Variants in CCSER1 observed in about 807,000 individuals in gnomAD.
The protein encoded by CCSER1 is serine-rich coiled-coil domain-containing protein 1.
CCSER1 carries 41 observed loss-of-function variants against 82.0 expected under a neutral mutation model. That is an observed-to-expected ratio of 0.50 (90% CI 0.39 to 0.65). CCSER1 has a LOEUF of 0.65. Ranked by LOEUF, CCSER1 falls within the 30% of genes least tolerant of loss-of-function variation. The pLI is 0.00. For synonymous variants in CCSER1, 414 were observed against 383.9 expected, an observed-to-expected ratio of 1.08 and a Z score of -0.92; for missense variants, 1,119 against 1,064.2, an observed-to-expected ratio of 1.05 and a Z score of -0.72.
intron 9 of CCSER1, among the ~76,000 whole-genome samples, chr4:91,066,154 T>G (rs1040505888): frequency 6.6e-6 from 1 of 152,196 alleles, no homozygotes. Flanking sequence ...GATTGCTTTT[T>G]CCAGGACATT....
At chr4:90,614,156 C>T (rs957428353) in intron 5 of CCSER1, among the ~76,000 whole-genome samples, 2 of 152,120 alleles carry the variant, frequency 1.3e-5, no homozygotes, top group African/African-American at 4.8e-5. Context: ...GATCTATGAT[C>T]AGCAATCTTT....
chr4:90,513,017 C>T (rs550486276), intron 5 of CCSER1, among the ~76,000 whole-genome samples: 31 of 152,006 alleles, frequency 2.0e-4, no homozygotes, highest in Non-Finnish European at 3.4e-4. Flanking sequence ...CAAGCAAAGC[C>T]GCTTGTGGGT....
At chr4:90,454,682 C>A (rs573835517) in intron 4 of CCSER1, among the ~76,000 whole-genome samples, 5 of 152,184 alleles carry the variant, frequency 3.3e-5, no homozygotes, top group African/African-American at 1.2e-4. Context: ...GCTTATCCCC[C>A]AAATTATCTG....
At chr4:91,177,406 C>T (rs1363409084) in intron 10 of CCSER1, among the ~76,000 whole-genome samples, 1 of 152,180 alleles carries the variant, frequency 6.6e-6, no homozygotes, top group Non-Finnish European at 1.5e-5. Flanking sequence ...ACAAGCTCCT[C>T]TTTGTACGTC....
chr4:91,086,469 A>G (rs13111799), intron 10 of CCSER1, among the ~76,000 whole-genome samples: 50,189 of 151,876 alleles, frequency 0.33, 8,774 homozygotes, highest in South Asian at 0.43. Flanking sequence ...AAAGCTAGTA[A>G]TTTTAAAACT....
At chr4:91,495,268 T>C (rs1758739531) in intron 10 of CCSER1, among the ~76,000 whole-genome samples, 1 of 151,558 alleles carries the variant, frequency 6.6e-6, no homozygotes, top group Non-Finnish European at 1.5e-5. Context: ...TAATGCAAAC[T>C]ATACATGTTT....
chr4:91,419,146 A>C (rs1330063904), intron 10 of CCSER1, among the ~76,000 whole-genome samples: 1 of 152,050 alleles, frequency 6.6e-6, no homozygotes, highest in Non-Finnish European at 1.5e-5. Flanking sequence ...TGAAAAGCTG[A>C]AGCTTTTCCT....
intron 10 of CCSER1, among the ~76,000 whole-genome samples, chr4:91,366,461 AAT>A (rs925079422): frequency 4.6e-5 from 7 of 152,252 alleles, no homozygotes; most frequent in Non-Finnish European, 1.0e-4. Context: ...ATCACACAAA[AAT>A]AGTCATAATT....
chr4:90,914,394 G>T (rs1401786020), intron 8 of CCSER1, among the ~76,000 whole-genome samples: 1 of 152,056 alleles, frequency 6.6e-6, no homozygotes, highest in Non-Finnish European at 1.5e-5. Flanking sequence ...CTGAATGACT[G>T]CTCGGTACAT....
At chr4:90,875,463 A>G (rs1767077980) in intron 8 of CCSER1, among the ~76,000 whole-genome samples, 1 of 152,200 alleles carries the variant, frequency 6.6e-6, no homozygotes, top group South Asian at 2.1e-4. Context: ...CTATTTTTAG[A>G]GAATGATGTT....
chr4:90,884,463 G>A (rs1002582133), intron 8 of CCSER1, among the ~76,000 whole-genome samples: 2 of 152,012 alleles, frequency 1.3e-5, no homozygotes, highest in Non-Finnish European at 2.9e-5. Flanking sequence ...TACATATGAA[G>A]TAAAATTATT....
chr4:90,200,569 A>T lies in CCSER1; in HGVS notation c.-42+72738A>T, dbSNP rs371856320. On this transcript the variant is annotated intron_variant, in intron 1 of 10. Coordinates refer to ENST00000509176, the MANE Select transcript of CCSER1 (RefSeq NM_001145065.2). ...TTCAGCACTTAACTGCTATGAAGTT[A>T]TGGTAATTCCTTAGGAAACAGATAA... Among the ~76,000 whole-genome samples, 4 of 152,108 alleles carry T rather than the reference A, an allele frequency of 2.6e-5. No homozygotes were observed. In the East Asian group the frequency reaches 5.8e-4, roughly 22 times the overall value.
chr4:90,429,334 T>C (rs188667410), intron 4 of CCSER1, among the ~76,000 whole-genome samples: 13 of 151,942 alleles, frequency 8.6e-5, no homozygotes, highest in Non-Finnish European at 1.5e-5. Flanking sequence ...AAAAAGCTGT[T>C]TGGATGGCAC....
chr4:90,762,640 T>A (rs965108276), intron 7 of CCSER1, among the ~76,000 whole-genome samples: 2 of 152,126 alleles, frequency 1.3e-5, no homozygotes, highest in African/African-American at 2.4e-5. Flanking sequence ...TGGCTTCTAA[T>A]AATAGCACTT....
chr4:90,595,883 A>G (rs867935701), intron 5 of CCSER1, among the ~76,000 whole-genome samples: 1 of 152,052 alleles, frequency 6.6e-6, no homozygotes, highest in African/African-American at 2.4e-5. Flanking sequence ...ATAGAATGGT[A>G]TGTTGTAATT....
At chr4:90,851,257 A>G (rs939902093) in intron 8 of CCSER1, among the ~76,000 whole-genome samples, 1 of 152,226 alleles carries the variant, frequency 6.6e-6, no homozygotes, top group African/African-American at 2.4e-5. Context: ...AATTTCAGAA[A>G]ACATTTCAGA....
intron 10 of CCSER1, among the ~76,000 whole-genome samples, chr4:91,553,535 G>C (rs1762260131): frequency 6.7e-6 from 1 of 150,044 alleles, no homozygotes; most frequent in Non-Finnish European, 1.5e-5. Context: ...TCTTCGTCGG[G>C]AGATATTTTA....
chr4:90,233,605 C>T (rs1476862493), intron 1 of CCSER1, among the ~76,000 whole-genome samples: 3 of 147,104 alleles, frequency 2.0e-5, no homozygotes, highest in Non-Finnish European at 1.5e-5. Flanking sequence ...CACATGTACC[C>T]TAAAACTTAA....
chr4:90,233,635 A>T (rs1414106604), intron 1 of CCSER1, among the ~76,000 whole-genome samples: 5 of 25,248 alleles, frequency 2.0e-4, no homozygotes, highest in Non-Finnish European at 1.7e-4. Flanking sequence ...ATAATAAATT[A>T]AAAAAAAAAA....
Sources: gnomAD v4.1 joint callset for allele counts (sites outside exome capture counted in the v4.1 genomes callset) on GRCh38, gnomAD v4.1.1 for gene constraint, MANE v1.5 for transcripts, NCBI Gene and HGNC (gene_info 2026-07-23, HGNC 2026-07-21) for gene names.